SLC35F4: variants seen among roughly 807,000 people sequenced by gnomAD.
SLC35F4 encodes the protein solute carrier family 35 member F4, also known as chromosome 14 open reading frame 36.
SLC35F4 carries 24 observed loss-of-function variants against 44.2 expected under a neutral mutation model. The observed-to-expected ratio is 0.54, with a 90% CI of 0.39 to 0.76. The LOEUF is 0.76. SLC35F4 is among the 30% of genes least tolerant of loss of function. The pLI, the probability that SLC35F4 is intolerant of heterozygous loss-of-function variation, is 0.00. For synonymous variants in SLC35F4, 238 were observed against 223.6 expected (o/e 1.06, Z -0.57); for missense variants, 562 against 586.1 (o/e 0.96, Z 0.42).
intron 1 of SLC35F4, among the ~76,000 whole-genome samples, chr14:57,971,323 G>T (rs940157697): frequency 1.3e-5 from 2 of 152,156 alleles, no homozygotes; most frequent in African/African-American, 4.8e-5. Flanking sequence ...TTTATAGGTA[G>T]ATTTTAGCTC....
At chr14:57,752,522 G>A (rs2076909148) in intron 1 of SLC35F4, among the ~76,000 whole-genome samples, 1 of 151,664 alleles carries the variant, frequency 6.6e-6, no homozygotes, top group African/African-American at 2.4e-5. Context: ...GTGCAGTGGT[G>A]TGATCTCGGC....
intron 1 of SLC35F4, among the ~76,000 whole-genome samples, chr14:57,874,921 CT>C (rs1316560110): frequency 2.6e-5 from 4 of 151,802 alleles, no homozygotes; most frequent in Non-Finnish European, 5.9e-5. Context: ...TAACTGACTA[CT>C]TATCCAATCT....
At chr14:57,791,895 A>G (rs1348517215) in intron 1 of SLC35F4, among the ~76,000 whole-genome samples, 1 of 151,942 alleles carries the variant, frequency 6.6e-6, no homozygotes, top group Non-Finnish European at 1.5e-5. Context: ...GTTCTCACTC[A>G]TAAGTGGGAG....
At chr14:57,981,034 G>T (rs7155706) in intron 1 of SLC35F4, among the ~76,000 whole-genome samples, 1 of 151,952 alleles carries the variant, frequency 6.6e-6, no homozygotes, top group South Asian at 2.1e-4. Context: ...TGGAGAAGAA[G>T]GATTCGCCTC....
chr14:57,816,812 T>C (rs1449399205), intron 1 of SLC35F4, among the ~76,000 whole-genome samples: 1 of 152,194 alleles, frequency 6.6e-6, no homozygotes, highest in East Asian at 1.9e-4. Flanking sequence ...TGAGCTGCAT[T>C]CTGTAGACTA....
chr14:57,924,397 G>A (rs981460456), intron 1 of SLC35F4, among the ~76,000 whole-genome samples: 2 of 152,056 alleles, frequency 1.3e-5, no homozygotes, highest in Admixed American at 6.6e-5. Flanking sequence ...AAAAGAGAGA[G>A]AGAAAAGGGT....
intron 1 of SLC35F4, among the ~76,000 whole-genome samples, chr14:57,730,394 G>A (rs542694410): frequency 8.1e-4 from 51 of 63,046 alleles, no homozygotes; most frequent in Non-Finnish European, 1.8e-3. Flanking sequence ...GATGATCAGC[G>A]ATGTTGAACT....
At chr14:57,610,735 G>T (rs2071446199) in intron 1 of SLC35F4, among the ~76,000 whole-genome samples, 1 of 152,168 alleles carries the variant, frequency 6.6e-6, no homozygotes, top group African/African-American at 2.4e-5. Context: ...AGAAGAAAGG[G>T]AGTGAGTCTG....
At chr14:57,756,834 T>A (rs932040960) in intron 1 of SLC35F4, among the ~76,000 whole-genome samples, 8 of 151,600 alleles carry the variant, frequency 5.3e-5, no homozygotes, top group South Asian at 2.1e-4. Flanking sequence ...TTTTTTTTTT[T>A]AATTTTTTGT....
chr14:57,782,379 CAA>C (rs76733800), intron 1 of SLC35F4, among the ~76,000 whole-genome samples: 2 of 138,804 alleles, frequency 1.4e-5, no homozygotes, highest in African/African-American at 2.6e-5. Context: ...CTAGAAATAT[CAA>C]AAAAAAAAGA....
At chr14:57,667,557 TCCTA>T (rs1172387487) in intron 1 of SLC35F4, among the ~76,000 whole-genome samples, 13 of 149,202 alleles carry the variant, frequency 8.7e-5, no homozygotes, top group Non-Finnish European at 1.0e-4. Flanking sequence ...AATGTTCAAT[TCCTA>T]CCTATGAGTG....
At chr14:57,841,580 T>A (rs17093760) in intron 1 of SLC35F4, among the ~76,000 whole-genome samples, 1 of 152,158 alleles carries the variant, frequency 6.6e-6, no homozygotes, top group South Asian at 2.1e-4. Flanking sequence ...AACAGGGTAC[T>A]GAATCTGGTA....
At chr14:57,824,607 G>A (rs1883527794) in intron 1 of SLC35F4, among the ~76,000 whole-genome samples, 1 of 152,140 alleles carries the variant, frequency 6.6e-6, no homozygotes, top group Non-Finnish European at 1.5e-5. Flanking sequence ...TATCAAGGAA[G>A]GTCTCACTGA....
At chr14:57,713,757 G>A (rs569924103) in intron 1 of SLC35F4, among the ~76,000 whole-genome samples, 1 of 152,260 alleles carries the variant, frequency 6.6e-6, no homozygotes, top group Non-Finnish European at 1.5e-5. Flanking sequence ...GACGGAGGGG[G>A]TGCCAAATGG....
At chr14:57,655,002 G>T (rs1339774763) in intron 1 of SLC35F4, among the ~76,000 whole-genome samples, 1 of 152,122 alleles carries the variant, frequency 6.6e-6, no homozygotes, top group African/African-American at 2.4e-5. Flanking sequence ...GTACTCCAGG[G>T]TGGCGTGACT....
At chr14:57,930,882 G>A (rs1358281124) in intron 1 of SLC35F4, among the ~76,000 whole-genome samples, 2 of 152,104 alleles carry the variant, frequency 1.3e-5, no homozygotes, top group Non-Finnish European at 2.9e-5. Flanking sequence ...TCAAGACTTT[G>A]AAAAAGGAAG....
intron 1 of SLC35F4, among the ~76,000 whole-genome samples, chr14:57,701,589 T>C (rs895280968): frequency 6.6e-6 from 1 of 152,320 alleles, no homozygotes; most frequent in African/African-American, 2.4e-5. Flanking sequence ...CATTGTGCCA[T>C]GATGTCACTA....
chr14:57,622,646 A>G, intron 1 of SLC35F4, among the ~76,000 whole-genome samples: 1 of 152,054 alleles, frequency 6.6e-6, no homozygotes, highest in South Asian at 2.1e-4. Flanking sequence ...AGGAAGGGGA[A>G]CATCACACTC....
At chr14:57,916,832 A>C (rs1458443748) in intron 1 of SLC35F4, among the ~76,000 whole-genome samples, 1 of 152,218 alleles carries the variant, frequency 6.6e-6, no homozygotes, top group Non-Finnish European at 1.5e-5. Context: ...AGTTGAAATT[A>C]TTTTAAAACC....
Sources: gnomAD v4.1 joint callset for allele counts (sites outside exome capture counted in the v4.1 genomes callset) on GRCh38, gnomAD v4.1.1 for gene constraint, MANE v1.5 for transcripts, NCBI Gene and HGNC (gene_info 2026-07-23, HGNC 2026-07-21) for gene names.